The following ARHGAP6 variants were observed in gnomAD, a reference collection of about 807,000 sequenced individuals.
ARHGAP6 encodes rho GTPase-activating protein 6.
In ARHGAP6, 16 loss-of-function variants were observed where a neutral mutation model predicts 55.7. The observed-to-expected ratio is 0.29, with a 90% confidence interval of 0.19 to 0.44. The LOEUF is 0.44. Ranked by LOEUF, ARHGAP6 falls within the 20% of genes least tolerant of loss-of-function variation. The probability of loss-of-function intolerance (pLI) is 1.00; values close to 1 mark genes in which losing one functional copy is unlikely to be tolerated. For synonymous variants in ARHGAP6, 382 were observed against 360.9 expected (o/e 1.06, Z -0.66); for missense variants, 698 against 808.9 (o/e 0.86, Z 1.66).
intron 1 of ARHGAP6, among the ~76,000 whole-genome samples, chrX:11,413,292 C>T (rs2049709532): frequency 8.9e-6 from 1 of 112,394 alleles, no homozygotes; most frequent in Non-Finnish European, 1.9e-5. Context: ...GTGACATTTA[C>T]TCAGGAAGCT....
intron 1 of ARHGAP6, among the ~76,000 whole-genome samples, chrX:11,512,934 T>C (rs1316014999): frequency 8.9e-6 from 1 of 112,219 alleles, no homozygotes; most frequent in Non-Finnish European, 1.9e-5. Context: ...TTGTTACACA[T>C]CAATAGCTAA....
intron 1 of ARHGAP6, among the ~76,000 whole-genome samples, chrX:11,332,650 T>C (rs1014629150): frequency 3.6e-5 from 4 of 112,309 alleles, no homozygotes; most frequent in African/African-American, 9.7e-5. Context: ...AGAAATAATA[T>C]AGAGCCATCT....
intron 1 of ARHGAP6, among the ~76,000 whole-genome samples, chrX:11,570,665 A>G (rs1177922415): frequency 8.9e-6 from 1 of 111,761 alleles, no homozygotes; most frequent in African/African-American, 3.3e-5. Context: ...ATCTGTTTAC[A>G]TAGCCCACAA....
intron 1 of ARHGAP6, among the ~76,000 whole-genome samples, chrX:11,316,360 A>G (rs746944650): frequency 1.6e-3 from 185 of 112,360 alleles, no homozygotes; most frequent in Middle Eastern, 9.1e-3. Context: ...GTGAAGAAAC[A>G]CTTCCCCAAA....
At chrX:11,211,278 C>G (rs6654937) in intron 2 of ARHGAP6, among the ~76,000 whole-genome samples, 4,128 of 96,792 alleles carry the variant, frequency 0.043, 234 homozygotes, top group African/African-American at 0.15. Flanking sequence ...CTGGAGTGCA[C>G]TGGCGCGATC....
intron 1 of ARHGAP6, among the ~76,000 whole-genome samples, chrX:11,444,146 C>T (rs762072820): frequency 1.8e-5 from 2 of 111,521 alleles, no homozygotes; most frequent in South Asian, 3.8e-4. Flanking sequence ...TTTTAGACTT[C>T]GGAGGTCATA....
chrX:11,448,484 C>T (rs1469588427), intron 1 of ARHGAP6, among the ~76,000 whole-genome samples: 2 of 111,942 alleles, frequency 1.8e-5, no homozygotes, highest in African/African-American at 6.5e-5. Context: ...TGCATTCCTT[C>T]CTCTTCCAGG....
At chrX:11,601,801 T>C (rs1018819143) in intron 1 of ARHGAP6, among the ~76,000 whole-genome samples, 2 of 111,968 alleles carry the variant, frequency 1.8e-5, no homozygotes, top group Non-Finnish European at 3.8e-5. Context: ...GCAGTAACCA[T>C]GGCAGCTGAG....
chrX:11,451,193 A>G (rs1179154221), intron 1 of ARHGAP6, among the ~76,000 whole-genome samples: 1 of 112,118 alleles, frequency 8.9e-6, no homozygotes, highest in Non-Finnish European at 1.9e-5. Flanking sequence ...CAGTTGCAGG[A>G]ATAAAATGCA....
At position 11,664,375 on chromosome X, in the gene ARHGAP6, C is replaced by G. The variant is rs1310609145; in HGVS notation, c.454G>C (p.Ala152Pro). Residue 152 changes from alanine (A) to proline (P), a missense_variant, in exon 1 of 13, where the codon GCT (alanine) becomes CCT (proline). Ala to Pro is a conservative substitution (Grantham distance 27, BLOSUM62 -1). Around this residue, in one of 3 missense-constraint regions of ARHGAP6, gnomAD observed 164 missense variants for 149.2 expected, o/e 1.10. Transcript: ENST00000337414. Reference sequence around the variant, plus strand: ...CCGGATGAACAGAGGATGCTGGAAGCGCTTCGGCTACTGGCTGGCCCGGCC... The same window carrying G: ...CCGGATGAACAGAGGATGCTGGAAGGGCTTCGGCTACTGGCTGGCCCGGCC... ...VLAGPASSRS[A>P]SSILCSSGGG... 4 of 1,211,185 alleles carry G rather than the reference C, an allele frequency of 3.3e-6. No homozygotes were observed. The highest frequency in any genetic ancestry group is 4.5e-6 in the Non-Finnish European group (4 of 895,413).
chrX:11,624,331 T>C (rs935921174), intron 1 of ARHGAP6, among the ~76,000 whole-genome samples: 1 of 112,221 alleles, frequency 8.9e-6, no homozygotes, highest in Non-Finnish European at 1.9e-5. Context: ...ATTTCTTGAG[T>C]AAGACCTCAA....
chrX:11,527,801 A>G (rs914966351), intron 1 of ARHGAP6, among the ~76,000 whole-genome samples: 2 of 112,131 alleles, frequency 1.8e-5, no homozygotes, highest in African/African-American at 6.5e-5. Context: ...CAAATATTGC[A>G]TGGTTCTAGA....
intron 1 of ARHGAP6, among the ~76,000 whole-genome samples, chrX:11,337,155 G>GA (rs1248143254): frequency 3.7e-5 from 4 of 109,142 alleles, no homozygotes; most frequent in Non-Finnish European, 7.6e-5. Flanking sequence ...CATTTTGTAG[G>GA]AAAAAAATAC....
At chrX:11,490,835 C>T (rs975587605) in intron 1 of ARHGAP6, among the ~76,000 whole-genome samples, 3 of 112,096 alleles carry the variant, frequency 2.7e-5, no homozygotes, top group Non-Finnish European at 3.8e-5. Context: ...TACTTAAACA[C>T]GAATTTGACT....
At chrX:11,650,553 G>A (rs970502209) in intron 1 of ARHGAP6, among the ~76,000 whole-genome samples, 2 of 111,424 alleles carry the variant, frequency 1.8e-5, no homozygotes, top group African/African-American at 3.3e-5. Context: ...GCTCTCCCCA[G>A]GGAGCACCAA....
At chrX:11,561,355 T>C in intron 1 of ARHGAP6, among the ~76,000 whole-genome samples, 1 of 112,131 alleles carries the variant, frequency 8.9e-6, no homozygotes, top group Non-Finnish European at 1.9e-5. Flanking sequence ...GTATAAGAAA[T>C]TGTATACAAA....
intron 1 of ARHGAP6, chrX:11,334,849 T>G (rs775887637): frequency 7.8e-4 from 134 of 172,509 alleles, no homozygotes; most frequent in Non-Finnish European, 1.3e-3. Context: ...TTTCACTGCT[T>G]TGCATGAGGG....
At position 11,138,801 on chromosome X, in the gene ARHGAP6, C is replaced by T. The variant is rs2045578212; in HGVS notation, c.*62G>A. On this transcript the variant is annotated 3_prime_UTR_variant, in exon 13 of 13. Coordinates refer to ENST00000337414, the MANE Select transcript of ARHGAP6 (RefSeq NM_013427.3). ...TAAGTGTGCCAGTGGCCACCACCCA[C>T]GGTCCCCCCTGGGCTGGAGGGCGGG... 2 of 1,099,190 alleles carry T rather than the reference C, an allele frequency of 1.8e-6. No homozygotes were observed. The highest frequency in any genetic ancestry group is 1.8e-5 in the African/African-American group (1 of 54,624). The allele number at this position is 1,099,190 out of a possible 1,213,427, so 90.6% of individuals were successfully genotyped here.
chrX:11,497,165 T>C (rs1345023371), intron 1 of ARHGAP6, among the ~76,000 whole-genome samples: 1 of 112,239 alleles, frequency 8.9e-6, no homozygotes, highest in African/African-American at 3.2e-5. Flanking sequence ...CTACGAAGCC[T>C]GTATTTTAAG....
Sources: allele counts gnomAD v4.1 joint callset (sites outside exome capture counted in the v4.1 genomes callset), GRCh38; gene constraint gnomAD v4.1.1; regional missense constraint gnomAD v4.1.1; transcripts MANE v1.5; gene names NCBI Gene and HGNC (gene_info 2026-07-23, HGNC 2026-07-21).